ATRNL1: variants seen among roughly 807,000 people sequenced by gnomAD.
ATRNL1 encodes attractin like 1, also known as attractin-like protein 1.
A neutral mutation model predicts 182.7 loss-of-function variants in ATRNL1; 95 were observed. The observed-to-expected ratio is 0.52, with a 90% CI of 0.44 to 0.62. The LOEUF (loss-of-function observed/expected upper bound fraction) is 0.62, where lower values mean the gene tolerates loss of function less well. Ranked by LOEUF, ATRNL1 falls within the 20% of genes least tolerant of loss-of-function variation. ATRNL1 has a pLI of 0.00. For missense variants in ATRNL1, 1,471 were observed against 1,679.5 expected, an observed-to-expected ratio of 0.88 and a Z score of 2.17; for synonymous variants, 576 against 568.3, an observed-to-expected ratio of 1.01 and a Z score of -0.19.
intron 25 of ATRNL1, among the ~76,000 whole-genome samples, chr10:115,536,391 C>T (rs936164547): frequency 6.6e-6 from 1 of 152,194 alleles, no homozygotes; most frequent in Non-Finnish European, 1.5e-5. Flanking sequence ...CAGTGAGACT[C>T]CGTGGGCGTA....
At chr10:115,320,814 A>C (rs1854543820) in intron 18 of ATRNL1, among the ~76,000 whole-genome samples, 1 of 151,988 alleles carries the variant, frequency 6.6e-6, no homozygotes, top group African/African-American at 2.4e-5. Flanking sequence ...CAAGGTTCTT[A>C]GCTTCCTTTA....
Position 115,225,904 on chromosome 10 carries a change from T to C in ATRNL1, c.1532+10024T>C, listed in dbSNP as rs562043878. Among the ~76,000 whole-genome samples, 89 of 151,042 alleles carry C rather than the reference T, an allele frequency of 5.9e-4. 1 individual carries two copies. Among genetic ancestry groups the C allele is most frequent in the African/African-American group, 2.0e-3 (81 of 41,340 alleles). On this transcript the variant is annotated intron_variant, in intron 9 of 28. Transcript: ENST00000355044. ...ATTTATACAAAAATGTGAAGGGTAATTTTTGTATAAATTTTAGAGTCTCCG... is the reference window on the plus strand; with the variant it reads ...ATTTATACAAAAATGTGAAGGGTAACTTTTGTATAAATTTTAGAGTCTCCG...
At chr10:115,922,529 A>G (rs1555118941) in intron 28 of ATRNL1, among the ~76,000 whole-genome samples, 2 of 152,122 alleles carry the variant, frequency 1.3e-5, no homozygotes, top group Admixed American at 6.5e-5. Flanking sequence ...GCAGTGGTGC[A>G]GTCATAAGCT....
At chr10:115,365,128 C>G (rs1352575668) in intron 19 of ATRNL1, among the ~76,000 whole-genome samples, 1 of 151,472 alleles carries the variant, frequency 6.6e-6, no homozygotes, top group South Asian at 2.1e-4. Context: ...TGGTAGAATT[C>G]GGCTGTGAAT....
chr10:115,629,441 T>C (rs1360226949), intron 26 of ATRNL1, among the ~76,000 whole-genome samples: 1 of 152,164 alleles, frequency 6.6e-6, no homozygotes, highest in African/African-American at 2.4e-5. Context: ...CCAGACATGA[T>C]GTTTTCAAGG....
intron 28 of ATRNL1, among the ~76,000 whole-genome samples, chr10:115,900,953 A>G (rs1220482186): frequency 1.3e-5 from 2 of 152,192 alleles, no homozygotes; most frequent in African/African-American, 4.8e-5. Flanking sequence ...GTGAAATGCA[A>G]ATTATAGCTA....
At chr10:115,540,575 G>A (rs1852295954) in intron 25 of ATRNL1, among the ~76,000 whole-genome samples, 1 of 151,738 alleles carries the variant, frequency 6.6e-6, no homozygotes. Flanking sequence ...GCCTGGCCAA[G>A]ATAGTGAAAC....
intron 28 of ATRNL1, among the ~76,000 whole-genome samples, chr10:115,901,198 T>G (rs1555113481): frequency 2.0e-5 from 3 of 152,210 alleles, no homozygotes; most frequent in African/African-American, 7.2e-5. Flanking sequence ...AAAAGTCATC[T>G]CTTTAGGTCA....
intron 26 of ATRNL1, among the ~76,000 whole-genome samples, chr10:115,613,817 AT>A (rs1264257909): frequency 1.3e-5 from 2 of 151,366 alleles, no homozygotes; most frequent in African/African-American, 4.8e-5. Context: ...AGTTGTTCAT[AT>A]TTTTTTCTAA....
At chr10:115,329,964 T>TAGTA (rs1227019690) in intron 18 of ATRNL1, among the ~76,000 whole-genome samples, 1 of 152,166 alleles carries the variant, frequency 6.6e-6, no homozygotes, top group Non-Finnish European at 1.5e-5. Flanking sequence ...CTTTCTTCTC[T>TAGTA]TACTGCCTCC....
chr10:115,836,498 A>G (rs1950675033), intron 27 of ATRNL1, among the ~76,000 whole-genome samples: 2 of 152,020 alleles, frequency 1.3e-5, no homozygotes, highest in Admixed American at 1.3e-4. Flanking sequence ...TTCCTCTGAG[A>G]CCCTGAGGGA....
intron 27 of ATRNL1, among the ~76,000 whole-genome samples, chr10:115,751,308 T>C (rs1320538757): frequency 1.3e-5 from 2 of 152,058 alleles, no homozygotes; most frequent in African/African-American, 4.8e-5. Flanking sequence ...GTCGCCCTGA[T>C]TTTAGCTCCC....
At chr10:115,602,185 C>G (rs1438982787) in intron 26 of ATRNL1, among the ~76,000 whole-genome samples, 1 of 152,032 alleles carries the variant, frequency 6.6e-6, no homozygotes, top group African/African-American at 2.4e-5. Flanking sequence ...AAAACCCTGT[C>G]TCTACTACAG....
At chr10:115,297,650 TAAAAAAAAA>T (rs5788102) in intron 15 of ATRNL1, among the ~76,000 whole-genome samples, 1 of 116,092 alleles carries the variant, frequency 8.6e-6, no homozygotes, top group African/African-American at 3.2e-5. Context: ...GACTCCGTCT[TAAAAAAAAA>T]AAAAAAAAAA....
At chr10:115,473,196 T>C (rs1554972447) in intron 24 of ATRNL1, among the ~76,000 whole-genome samples, 1 of 151,332 alleles carries the variant, frequency 6.6e-6, no homozygotes, top group African/African-American at 2.4e-5. Flanking sequence ...AAATCCCACT[T>C]GATCATGTTT....
At chr10:115,219,195 G>A (rs1477871959) in intron 9 of ATRNL1, among the ~76,000 whole-genome samples, 1 of 146,674 alleles carries the variant, frequency 6.8e-6, no homozygotes, top group Non-Finnish European at 1.5e-5. Flanking sequence ...TCGCGCCACT[G>A]CACTCCAGTC....
chr10:115,368,359 G>A (rs573524221), intron 19 of ATRNL1, among the ~76,000 whole-genome samples: 1 of 152,216 alleles, frequency 6.6e-6, no homozygotes, highest in Non-Finnish European at 1.5e-5. Context: ...CCCAAGTGAG[G>A]CAAAGCCTCG....
chr10:115,477,115 A>G (rs962268585), intron 24 of ATRNL1, among the ~76,000 whole-genome samples: 38 of 151,576 alleles, frequency 2.5e-4, no homozygotes, highest in African/African-American at 8.7e-4. Flanking sequence ...TATGAGTACA[A>G]TAAAAGATTT....
intron 26 of ATRNL1, among the ~76,000 whole-genome samples, chr10:115,681,191 C>T (rs1437686293): frequency 6.6e-6 from 1 of 152,010 alleles, no homozygotes; most frequent in Admixed American, 6.6e-5. Context: ...CTTTGAATGT[C>T]AATTAATAGG....
Sources: gnomAD v4.1 joint callset for allele counts (sites outside exome capture counted in the v4.1 genomes callset) on GRCh38, gnomAD v4.1.1 for gene constraint, MANE v1.5 for transcripts, NCBI Gene and HGNC (gene_info 2026-07-23, HGNC 2026-07-21) for gene names.